STAG1: variants seen among roughly 807,000 people sequenced by gnomAD.
STAG1 encodes the protein cohesin subunit SA-1.
A neutral mutation model predicts 170.9 loss-of-function variants in STAG1; 26 were observed. The observed-to-expected ratio is 0.15, with a 90% CI of 0.11 to 0.21. STAG1 has a LOEUF of 0.21. STAG1 is among the 10% of genes least tolerant of loss of function. STAG1 has a pLI of 1.00. For synonymous variants in STAG1, 514 were observed against 497.7 expected (o/e 1.03, Z -0.44); for missense variants, 964 against 1,509.5 (o/e 0.64, Z 5.99).
intron 7 of STAG1, among the ~76,000 whole-genome samples, chr3:136,520,225 C>T (rs1489828953): frequency 2.0e-5 from 3 of 152,124 alleles, no homozygotes; most frequent in Admixed American, 2.0e-4. Flanking sequence ...CTAGGAACTT[C>T]TTGCCCAGCC....
chr3:136,676,426 C>T (rs1057475643), intron 1 of STAG1, among the ~76,000 whole-genome samples: 2 of 152,152 alleles, frequency 1.3e-5, no homozygotes, highest in South Asian at 2.1e-4. Flanking sequence ...TTAAAACAAA[C>T]ACATTGTCTG....
rs555790823 is a variant in STAG1 at position 136,375,370 on chromosome 3, T to C, written c.2370+2290A>G. ...ATAGAAAGATTTTGTTGTGGGATAA[T>C]TGAGGGCTCTGAAACTTCCAAACAA... is the stretch of plus-strand genomic sequence containing the variant. On this transcript the variant is annotated intron_variant, in intron 23 of 33. Coordinates refer to ENST00000383202, the MANE Select transcript of STAG1 (RefSeq NM_005862.3). Among the ~76,000 whole-genome samples the C allele has an allele frequency of 3.5e-4, 54 of 152,316 alleles. 1 individual carries two copies. The South Asian group carries it at 9.1e-3, about 26-fold the overall frequency.
intron 32 of STAG1, 57 bp downstream of exon 32, chr3:136,340,434 C>CT: frequency 8.5e-7 from 1 of 1,182,080 alleles, no homozygotes; most frequent in Non-Finnish European, 1.3e-6. Flanking sequence ...AGAGGATCAT[C>CT]TTACACCAAT....
intron 4 of STAG1, among the ~76,000 whole-genome samples, chr3:136,600,710 T>C (rs910351890): frequency 6.6e-6 from 1 of 152,054 alleles, no homozygotes; most frequent in Non-Finnish European, 1.5e-5. Flanking sequence ...TTTTTTTTTA[T>C]TTTTAGTAGA....
chr3:136,516,557 T>C (rs1196544377), intron 7 of STAG1, among the ~76,000 whole-genome samples: 2 of 152,092 alleles, frequency 1.3e-5, no homozygotes, highest in Non-Finnish European at 2.9e-5. Flanking sequence ...ATGCTGTTCG[T>C]TTTCTTAACA....
intron 13 of STAG1, among the ~76,000 whole-genome samples, chr3:136,459,095 G>A (rs910322949): frequency 3.3e-5 from 5 of 152,014 alleles, no homozygotes; most frequent in African/African-American, 1.2e-4. Flanking sequence ...ACACGTGCCT[G>A]CAGTCCCAGC....
At chr3:136,608,203 G>A (rs1322688265) in intron 3 of STAG1, among the ~76,000 whole-genome samples, 1 of 151,320 alleles carries the variant, frequency 6.6e-6, no homozygotes, top group Non-Finnish European at 1.5e-5. Flanking sequence ...AGGTTGCAGT[G>A]AGCTGAAATT....
chr3:136,639,667 T>C (rs1012143054), intron 1 of STAG1, among the ~76,000 whole-genome samples: 6 of 152,170 alleles, frequency 3.9e-5, no homozygotes, highest in Admixed American at 2.6e-4. Context: ...CTTTTATAAA[T>C]ACAACAAAAC....
intron 1 of STAG1, among the ~76,000 whole-genome samples, chr3:136,730,015 AGTAGCTGGGACTACAGACAC>A (rs1933922801): frequency 6.7e-6 from 1 of 149,972 alleles, no homozygotes; most frequent in Admixed American, 6.8e-5. Context: ...TGGCCTCCTG[AGTAGCTGGGACTACAGACAC>A]GTGCCACTAC....
chr3:136,489,875 C>T (rs2090089301), intron 9 of STAG1, among the ~76,000 whole-genome samples: 2 of 151,946 alleles, frequency 1.3e-5, no homozygotes, highest in Admixed American at 1.3e-4. Flanking sequence ...AACACAGAAG[C>T]ACGTAAAATG....
At chr3:136,589,854 C>T (rs1344889221) in intron 4 of STAG1, among the ~76,000 whole-genome samples, 1 of 152,038 alleles carries the variant, frequency 6.6e-6, no homozygotes, top group Admixed American at 6.6e-5. Context: ...TCGCCTGAAT[C>T]CGGGAGGCGG....
chr3:136,709,499 T>A (rs1198823511), intron 1 of STAG1, among the ~76,000 whole-genome samples: 1 of 151,118 alleles, frequency 6.6e-6, no homozygotes, highest in Admixed American at 6.6e-5. Context: ...ATTTGGGAGG[T>A]CGAGGCAGGA....
chr3:136,347,983 A>G (rs1399026542), intron 29 of STAG1, among the ~76,000 whole-genome samples: 1 of 152,234 alleles, frequency 6.6e-6, no homozygotes, highest in Non-Finnish European at 1.5e-5. Flanking sequence ...CTCCTCATCA[A>G]CAGTCAATAC....
intron 1 of STAG1, chr3:136,736,906 T>A (rs1191823314): frequency 6.3e-7 from 1 of 1,588,592 alleles, no homozygotes; most frequent in Admixed American, 1.7e-5. Context: ...CCTCTTCTTT[T>A]GCTCCTGATC....
chr3:136,474,326 G>GT (rs2089693080), intron 10 of STAG1, among the ~76,000 whole-genome samples: 1 of 152,124 alleles, frequency 6.6e-6, no homozygotes, highest in African/African-American at 2.4e-5. Flanking sequence ...AGGAGACCAA[G>GT]TTCTGGAATC....
chr3:136,608,351 G>T (rs759398507), intron 3 of STAG1, among the ~76,000 whole-genome samples: 1 of 151,414 alleles, frequency 6.6e-6, no homozygotes, highest in Non-Finnish European at 1.5e-5. Context: ...AGACCAGCCT[G>T]AGCAACATGG....
intron 10 of STAG1, among the ~76,000 whole-genome samples, chr3:136,475,059 G>C (rs1473848902): frequency 6.6e-6 from 1 of 150,582 alleles, no homozygotes; most frequent in East Asian, 2.0e-4. Flanking sequence ...ATCAGGTTGA[G>C]ATTAGACTTC....
chr3:136,722,843 C>T (rs1206615816), intron 1 of STAG1, among the ~76,000 whole-genome samples: 1 of 152,162 alleles, frequency 6.6e-6, no homozygotes, highest in African/African-American at 2.4e-5. Context: ...AGGCGCGCGC[C>T]ACCACGCCTG....
chr3:136,385,494 G>A (rs1044305342), intron 22 of STAG1, among the ~76,000 whole-genome samples: 2 of 152,134 alleles, frequency 1.3e-5, no homozygotes, highest in South Asian at 2.1e-4. Flanking sequence ...CAGATGGCTC[G>A]AGTAGTAAGA....
Sources: allele counts gnomAD v4.1 joint callset (sites outside exome capture counted in the v4.1 genomes callset), GRCh38; gene constraint gnomAD v4.1.1; transcripts MANE v1.5; gene names NCBI Gene and HGNC (gene_info 2026-07-23, HGNC 2026-07-21).